The following ZBTB20 variants were observed in gnomAD, a reference collection of about 807,000 sequenced individuals.
ZBTB20 encodes zinc finger and BTB domain-containing protein 20.
A neutral mutation model predicts 56.9 loss-of-function variants in ZBTB20; 9 were observed. The ratio of observed to expected loss-of-function variants is 0.16; its 90% CI spans 0.10 to 0.28. The LOEUF is 0.28. ZBTB20 is among the 10% of genes least tolerant of loss of function. The pLI is 1.00. For missense variants in ZBTB20, 655 were observed against 1,003.0 expected (o/e 0.65, Z 4.69); for synonymous variants, 417 against 420.7 (o/e 0.99, Z 0.11).
intron 6 of ZBTB20, among the ~76,000 whole-genome samples, chr3:114,615,148 T>C (rs531883491): frequency 6.6e-6 from 1 of 152,248 alleles, no homozygotes; most frequent in Non-Finnish European, 1.5e-5. Flanking sequence ...AGGAGAAACA[T>C]ACTTAACTTT....
intron 4 of ZBTB20, among the ~76,000 whole-genome samples, chr3:114,825,332 G>A (rs1248878547): frequency 2.0e-5 from 3 of 151,930 alleles, no homozygotes; most frequent in African/African-American, 7.2e-5. Context: ...GTTAAGTAGG[G>A]TTCTACCAAG....
chr3:114,735,634 A>G (rs899931754), intron 5 of ZBTB20, among the ~76,000 whole-genome samples: 17 of 152,320 alleles, frequency 1.1e-4, no homozygotes, highest in African/African-American at 4.1e-4. Context: ...AGAATTTAAT[A>G]TATTAGTTTA....
intron 6 of ZBTB20, among the ~76,000 whole-genome samples, chr3:114,692,170 G>A (rs900974737): frequency 7.9e-5 from 12 of 152,160 alleles, no homozygotes; most frequent in African/African-American, 2.9e-4. Flanking sequence ...ATCATTTTGT[G>A]ATAAATGCAA....
At chr3:114,711,813 T>A (rs980675366) in intron 5 of ZBTB20, among the ~76,000 whole-genome samples, 4 of 152,184 alleles carry the variant, frequency 2.6e-5, no homozygotes, top group Non-Finnish European at 5.9e-5. Context: ...CTTCAATAAA[T>A]GTTTATTAAA....
intron 5 of ZBTB20, among the ~76,000 whole-genome samples, chr3:114,794,183 A>G (rs1346982032): frequency 6.6e-6 from 1 of 152,044 alleles, no homozygotes; most frequent in Non-Finnish European, 1.5e-5. Context: ...AATGGTTCCT[A>G]CTTTGCTGGG....
At chr3:114,928,898 C>T (rs2076255110) in intron 3 of ZBTB20, among the ~76,000 whole-genome samples, 1 of 152,196 alleles carries the variant, frequency 6.6e-6, no homozygotes, top group African/African-American at 2.4e-5. Context: ...CAATACAATG[C>T]TCTTTCCAAC....
At chr3:114,717,128 T>A (rs67286903) in intron 5 of ZBTB20, among the ~76,000 whole-genome samples, 32,057 of 152,054 alleles carry the variant, frequency 0.21, 3,655 homozygotes, top group East Asian at 0.39. Flanking sequence ...AGCCTTGGTT[T>A]CCTTTTCCAT....
intron 1 of ZBTB20, among the ~76,000 whole-genome samples, chr3:115,120,597 C>G (rs1387051884): frequency 6.6e-6 from 1 of 151,916 alleles, no homozygotes; most frequent in East Asian, 1.9e-4. Flanking sequence ...TTGCCTTAAC[C>G]TAGGAAAGGT....
At chr3:114,367,272 T>C (rs1447637673) in intron 10 of ZBTB20, 1 of 152,218 alleles carries the variant, frequency 6.6e-6, no homozygotes, top group Non-Finnish European at 1.5e-5. Flanking sequence ...CTCTCTTCTT[T>C]TTTTATTTTT....
intron 4 of ZBTB20, among the ~76,000 whole-genome samples, chr3:114,841,766 A>T (rs940366016): frequency 1.3e-5 from 2 of 152,144 alleles, no homozygotes; most frequent in Non-Finnish European, 2.9e-5. Flanking sequence ...CCAAGAGAAG[A>T]GGTCTAGAAG....
intron 5 of ZBTB20, among the ~76,000 whole-genome samples, chr3:114,760,055 T>A (rs1033057760): frequency 6.6e-6 from 1 of 152,118 alleles, no homozygotes; most frequent in East Asian, 1.9e-4. Context: ...TCCCTCAAAG[T>A]GACTAGAGCA....
intron 3 of ZBTB20, among the ~76,000 whole-genome samples, chr3:114,902,873 T>C (rs949263546): frequency 5.3e-5 from 8 of 152,152 alleles, no homozygotes; most frequent in African/African-American, 1.7e-4. Context: ...GAAAAGAAGA[T>C]AGAGCAAACC....
rs191313925 is a variant in ZBTB20 at position 115,056,461 on chromosome 3, A to C, written c.-507+14758T>G. Among the ~76,000 whole-genome samples, 449 of 152,246 alleles carry C rather than the reference A, an allele frequency of 2.9e-3. 3 individuals carry two copies. The highest frequency in any genetic ancestry group is 0.011 in the African/African-American group (439 of 41,550). ...ATTTTATCCTAAAGAAATAATCATA[A>C]AAGTCACACATGATTTGCAAAGAGT... On this transcript the variant is annotated intron_variant, in intron 2 of 11. Coordinates refer to ENST00000675478, the MANE Select transcript of ZBTB20 (RefSeq NM_001348800.3).
At chr3:114,978,065 C>T (rs1207471150) in intron 2 of ZBTB20, among the ~76,000 whole-genome samples, 1 of 145,572 alleles carries the variant, frequency 6.9e-6, no homozygotes, top group Admixed American at 6.8e-5. Flanking sequence ...AAAATTCAAA[C>T]TTAAGAGGCC....
intron 4 of ZBTB20, among the ~76,000 whole-genome samples, chr3:114,874,350 A>G (rs980571409): frequency 2.6e-5 from 4 of 152,210 alleles, no homozygotes; most frequent in Non-Finnish European, 5.9e-5. Flanking sequence ...AAACCACAGA[A>G]TAGAACAGGA....
chr3:114,901,036 C>T (rs2075098730), intron 3 of ZBTB20, among the ~76,000 whole-genome samples: 1 of 152,072 alleles, frequency 6.6e-6, no homozygotes, highest in Admixed American at 6.6e-5. Flanking sequence ...ACAATTAGAC[C>T]TGAAAAACAT....
chr3:114,495,587 C>T (rs2043204592), intron 7 of ZBTB20, among the ~76,000 whole-genome samples: 1 of 151,916 alleles, frequency 6.6e-6, no homozygotes, highest in African/African-American at 2.4e-5. Flanking sequence ...TGGAACTCAC[C>T]ATCTGATAGG....
At chr3:114,411,631 C>G (rs2087960831) in intron 7 of ZBTB20, among the ~76,000 whole-genome samples, 1 of 152,082 alleles carries the variant, frequency 6.6e-6, no homozygotes, top group African/African-American at 2.4e-5. Context: ...TGTAATGGAT[C>G]AGGGAGCTGA....
At chr3:114,522,422 A>G (rs1021664190) in intron 6 of ZBTB20, among the ~76,000 whole-genome samples, 17 of 152,118 alleles carry the variant, frequency 1.1e-4, no homozygotes, top group African/African-American at 4.1e-4. Context: ...GGTCTTGTGA[A>G]CTACTGCAAA....
Sources: allele counts gnomAD v4.1 joint callset (sites outside exome capture counted in the v4.1 genomes callset), GRCh38; gene constraint gnomAD v4.1.1; transcripts MANE v1.5; gene names NCBI Gene and HGNC (gene_info 2026-07-23, HGNC 2026-07-21).